PTPRM: variants seen among roughly 807,000 people sequenced by gnomAD.
PTPRM encodes protein tyrosine phosphatase receptor type M.
PTPRM carries 47 observed loss-of-function variants against 186.7 expected under a neutral mutation model. That is an observed-to-expected ratio of 0.25 (90% CI 0.20 to 0.32). The LOEUF is 0.32. Ranked by LOEUF, PTPRM falls within the 10% of genes least tolerant of loss-of-function variation. PTPRM has a pLI of 1.00. For missense variants in PTPRM, 1,494 were observed against 1,865.0 expected, an observed-to-expected ratio of 0.80 and a Z score of 3.66; for synonymous variants, 668 against 674.9, an observed-to-expected ratio of 0.99 and a Z score of 0.16.
chr18:8,030,476 A>G (rs543851589), intron 7 of PTPRM, among the ~76,000 whole-genome samples: 3 of 152,352 alleles, frequency 2.0e-5, no homozygotes, highest in South Asian at 4.1e-4. Context: ...AAGGAATACT[A>G]TGTCAAAGTG....
intron 11 of PTPRM, among the ~76,000 whole-genome samples, chr18:8,109,885 AT>A (rs1311446969): frequency 1.3e-5 from 2 of 152,204 alleles, no homozygotes; most frequent in Non-Finnish European, 2.9e-5. Flanking sequence ...TAGGTTCATT[AT>A]TTAATTGTGG....
intron 2 of PTPRM, among the ~76,000 whole-genome samples, chr18:7,878,063 G>C (rs548721359): frequency 6.6e-6 from 1 of 152,206 alleles, no homozygotes; most frequent in East Asian, 1.9e-4. Flanking sequence ...ATGTAATTAA[G>C]AAATTTATCC....
At chr18:7,957,519 T>A (rs1226772508) in intron 7 of PTPRM, among the ~76,000 whole-genome samples, 1 of 152,156 alleles carries the variant, frequency 6.6e-6, no homozygotes, top group Non-Finnish European at 1.5e-5. Context: ...GTTGGCACTG[T>A]TCGTGATGCA....
intron 1 of PTPRM, among the ~76,000 whole-genome samples, chr18:7,686,965 T>C (rs2039616844): frequency 6.6e-6 from 1 of 152,160 alleles, no homozygotes; most frequent in South Asian, 2.1e-4. Flanking sequence ...TCAAAAAGAT[T>C]TTGACTGTTT....
At chr18:8,000,243 T>C (rs954096701) in intron 7 of PTPRM, among the ~76,000 whole-genome samples, 1 of 152,128 alleles carries the variant, frequency 6.6e-6, no homozygotes, top group Non-Finnish European at 1.5e-5. Context: ...AAATCAACCA[T>C]CAGAATCATG....
At position 8,245,782 on chromosome 18, in the gene PTPRM, C is replaced by G. The variant is rs2094471866; in HGVS notation, c.2452+1573C>G. Among the ~76,000 whole-genome samples the G allele has an allele frequency of 2.0e-5, 3 of 152,128 alleles. No individual in the cohort carries two copies. In the South Asian group the frequency reaches 6.2e-4, roughly 32 times the overall value. ...GTGAAATTCCTCAAGAATCAATTTA[C>G]TTAGAATCACTCATCCCAAAAGCAA... On this transcript the variant is annotated intron_variant, in intron 15 of 32. Transcript: ENST00000580170.
At chr18:7,605,030 C>A (rs1464159745) in intron 1 of PTPRM, among the ~76,000 whole-genome samples, 1 of 152,048 alleles carries the variant, frequency 6.6e-6, no homozygotes, top group Non-Finnish European at 1.5e-5. Flanking sequence ...AGTTTCAGTG[C>A]AACACAGGTG....
At chr18:8,108,286 T>C (rs1015665748) in intron 11 of PTPRM, among the ~76,000 whole-genome samples, 3 of 152,118 alleles carry the variant, frequency 2.0e-5, no homozygotes, top group Non-Finnish European at 4.4e-5. Context: ...ATGAACAATA[T>C]TCTAAGTCCC....
intron 1 of PTPRM, among the ~76,000 whole-genome samples, chr18:7,585,982 T>C (rs2036968449): frequency 6.6e-6 from 1 of 152,230 alleles, no homozygotes; most frequent in South Asian, 2.1e-4. Context: ...TTAAAATTTC[T>C]AGGCATTGTC....
intron 23 of PTPRM, among the ~76,000 whole-genome samples, chr18:8,356,366 G>A (rs1025776493): frequency 5.9e-5 from 9 of 152,188 alleles, no homozygotes; most frequent in Non-Finnish European, 1.2e-4. Flanking sequence ...GGAAGTGGAC[G>A]GAGTCTTTGC....
intron 11 of PTPRM, among the ~76,000 whole-genome samples, chr18:8,111,482 G>A (rs1484699169): frequency 2.0e-5 from 3 of 151,992 alleles, no homozygotes; most frequent in African/African-American, 2.4e-5. Flanking sequence ...GTGTGGTGGC[G>A]GGCGCCTGTA....
chr18:8,064,712 C>G (rs1054210715), intron 7 of PTPRM, among the ~76,000 whole-genome samples: 22 of 152,122 alleles, frequency 1.4e-4, no homozygotes, highest in African/African-American at 5.1e-4. Context: ...TGACAAGGTA[C>G]TTTTTAAACT....
intron 1 of PTPRM, among the ~76,000 whole-genome samples, chr18:7,687,464 A>G (rs1171903320): frequency 6.6e-6 from 1 of 152,070 alleles, no homozygotes; most frequent in Non-Finnish European, 1.5e-5. Context: ...TCTTATTTTG[A>G]TTTACTCTAA....
At chr18:7,619,542 A>G (rs537852746) in intron 1 of PTPRM, among the ~76,000 whole-genome samples, 2 of 152,336 alleles carry the variant, frequency 1.3e-5, no homozygotes, top group South Asian at 2.1e-4. Context: ...TTAAATAACC[A>G]TTTAAGTTCT....
At chr18:8,146,171 G>C (rs2092880851) in intron 14 of PTPRM, among the ~76,000 whole-genome samples, 1 of 151,960 alleles carries the variant, frequency 6.6e-6, no homozygotes, top group African/African-American at 2.4e-5. Context: ...TGGAATTACA[G>C]ATGCATGCCA....
chr18:7,634,734 A>G (rs16952260), intron 1 of PTPRM, among the ~76,000 whole-genome samples: 41,269 of 152,056 alleles, frequency 0.27, 8,228 homozygotes, highest in African/African-American at 0.55. Flanking sequence ...CTATTGTTGC[A>G]TCCCTAGTTA....
intron 7 of PTPRM, among the ~76,000 whole-genome samples, chr18:8,002,116 C>G (rs1015376865): frequency 6.6e-6 from 1 of 152,196 alleles, no homozygotes. Context: ...CATTCACACT[C>G]TATCTAGATT....
intron 14 of PTPRM, among the ~76,000 whole-genome samples, chr18:8,222,255 T>A (rs2094162190): frequency 6.6e-6 from 1 of 152,236 alleles, no homozygotes; most frequent in South Asian, 2.1e-4. Flanking sequence ...ACACCTTTCA[T>A]GGGTATCCAG....
intron 1 of PTPRM, among the ~76,000 whole-genome samples, chr18:7,661,958 C>G (rs1450389235): frequency 6.6e-6 from 1 of 152,072 alleles, no homozygotes; most frequent in African/African-American, 2.4e-5. Flanking sequence ...TGCTCTGTTG[C>G]CCAGACTGGA....
Sources: allele counts gnomAD v4.1 joint callset (sites outside exome capture counted in the v4.1 genomes callset), GRCh38; gene constraint gnomAD v4.1.1; transcripts MANE v1.5; gene names NCBI Gene and HGNC (gene_info 2026-07-23, HGNC 2026-07-21).